The following FAT3 variants were observed in gnomAD, a reference collection of about 807,000 sequenced individuals.
FAT3 encodes the protein protocadherin Fat 3.
Under a neutral mutation model 310.2 loss-of-function variants are expected in FAT3, and 95 were observed. That is an observed-to-expected ratio of 0.31 (90% CI 0.26 to 0.36). The LOEUF (loss-of-function observed/expected upper bound fraction) is 0.36. Ranked by LOEUF, FAT3 falls within the 10% of genes least tolerant of loss-of-function variation. FAT3 has a pLI of 1.00. For missense variants in FAT3, 5,408 were observed against 5,715.6 expected, an observed-to-expected ratio of 0.95 and a Z score of 1.74; for synonymous variants, 2,314 against 2,192.9, an observed-to-expected ratio of 1.06 and a Z score of -1.54.
intron 1 of FAT3, among the ~76,000 whole-genome samples, chr11:92,350,734 A>G (rs933062797): frequency 2.0e-5 from 3 of 150,428 alleles, no homozygotes; most frequent in African/African-American, 7.5e-5. Context: ...AGTACCTATT[A>G]CTTAGGATTA....
At chr11:92,729,171 C>G (rs1358499279) in intron 4 of FAT3, among the ~76,000 whole-genome samples, 1 of 152,126 alleles carries the variant, frequency 6.6e-6, no homozygotes, top group East Asian at 1.9e-4. Context: ...TACTGGTGCA[C>G]TTGATCATCC....
chr11:92,773,762 T>C (rs551637797), intron 6 of FAT3, among the ~76,000 whole-genome samples: 6 of 152,224 alleles, frequency 3.9e-5, no homozygotes, highest in Non-Finnish European at 7.3e-5. Context: ...AAATATTTAA[T>C]GGAGTCAGTT....
intron 2 of FAT3, among the ~76,000 whole-genome samples, chr11:92,404,713 AT>A (rs997373113): frequency 1.3e-5 from 2 of 151,984 alleles, no homozygotes; most frequent in Admixed American, 1.3e-4. Flanking sequence ...GTTTGTGAGG[AT>A]GCTTCTGAAT....
intron 2 of FAT3, among the ~76,000 whole-genome samples, chr11:92,414,216 A>G (rs1447429395): frequency 6.6e-6 from 1 of 152,184 alleles, no homozygotes. Context: ...TCACATGTCT[A>G]AAAACAAGCT....
At chr11:92,448,388 A>G (rs1195753179) in intron 2 of FAT3, among the ~76,000 whole-genome samples, 1 of 152,106 alleles carries the variant, frequency 6.6e-6, no homozygotes, top group Admixed American at 6.6e-5. Context: ...GTGCAGACAA[A>G]TGTATGGCAT....
intron 1 of FAT3, among the ~76,000 whole-genome samples, chr11:92,321,141 T>C (rs902203820): frequency 3.9e-5 from 6 of 152,012 alleles, no homozygotes; most frequent in African/African-American, 1.4e-4. Context: ...ATCTTATTTA[T>C]ATAACTAATT....
rs1188907686 is a variant in FAT3, at chr11:92,354,337, G to A, written c.2225G>A (p.Gly742Asp). The A allele has an allele frequency of 2.5e-6, 4 of 1,613,860 alleles. No homozygotes were observed. Among genetic ancestry groups the A allele is most frequent in the Non-Finnish European group, 2.5e-6 (3 of 1,179,858 alleles). The part of the protein sequence containing the change: ...DVAVKEDLPV[G>D]ANILKIKAYD... Reference sequence around the variant, plus strand: ...GCTGTAAAGGAGGATCTGCCAGTTGGTGCTAACATTCTGAAGATTAAAGCC... The same window carrying A: ...GCTGTAAAGGAGGATCTGCCAGTTGATGCTAACATTCTGAAGATTAAAGCC... Residue 742 changes from glycine (G) to aspartate (D), a missense_variant, in exon 2 of 28, where the codon GGT becomes GAT. Transcript: ENST00000525166.
chr11:92,250,028 A>C (rs1173211223), intron 1 of FAT3, among the ~76,000 whole-genome samples: 1 of 151,952 alleles, frequency 6.6e-6, no homozygotes, highest in Admixed American at 6.6e-5. Flanking sequence ...TCACTCTTAA[A>C]ATTTTCTGGT....
chr11:92,833,884 T>C (rs1446346833), intron 14 of FAT3, among the ~76,000 whole-genome samples: 2 of 152,182 alleles, frequency 1.3e-5, no homozygotes, highest in East Asian at 1.9e-4. Flanking sequence ...CTAGGGGTGG[T>C]AAGTTCCAGA....
At chr11:92,314,357 T>TA (rs1472826953) in intron 1 of FAT3, 15 of 873,886 alleles carry the variant, frequency 1.7e-5, no homozygotes, top group Non-Finnish European at 2.1e-5. Flanking sequence ...TTTACATTTG[T>TA]AAAAAAACAT....
At chr11:92,278,153 G>A (rs887594507) in intron 1 of FAT3, among the ~76,000 whole-genome samples, 2 of 152,142 alleles carry the variant, frequency 1.3e-5, no homozygotes, top group Non-Finnish European at 2.9e-5. Context: ...AAGAGGGCTT[G>A]ACCTTTCTGA....
intron 4 of FAT3, among the ~76,000 whole-genome samples, chr11:92,708,771 A>G (rs1371256651): frequency 1.3e-5 from 2 of 152,374 alleles, no homozygotes; most frequent in East Asian, 3.9e-4. Flanking sequence ...ACTCAAAAAT[A>G]TATTAATTTT....
chr11:92,659,396 C>T (rs1474457489), intron 3 of FAT3, among the ~76,000 whole-genome samples: 1 of 152,204 alleles, frequency 6.6e-6, no homozygotes, highest in African/African-American at 2.4e-5. Flanking sequence ...AATGAAGGTG[C>T]AGTCGTTAGC....
chr11:92,362,218 G>A (rs10501781), intron 2 of FAT3, among the ~76,000 whole-genome samples: 11,702 of 152,204 alleles, frequency 0.077, 653 homozygotes, highest in African/African-American at 0.15. Context: ...AGACTTAGGA[G>A]ACCTAATGTA....
intron 21 of FAT3, 76 bp from the exon 22 acceptor site, chr11:92,866,665 C>A: frequency 7.5e-7 from 1 of 1,339,312 alleles, no homozygotes; most frequent in Non-Finnish European, 1.0e-6. Flanking sequence ...GCCCCCGGGC[C>A]GGCCAGGAGC....
intron 4 of FAT3, among the ~76,000 whole-genome samples, chr11:92,716,012 G>C (rs1944671998): frequency 6.6e-6 from 1 of 152,148 alleles, no homozygotes; most frequent in Admixed American, 6.5e-5. Context: ...TTTTGAGCAG[G>C]ATGGTGGCAT....
At chr11:92,396,061 T>C (rs535293821) in intron 2 of FAT3, among the ~76,000 whole-genome samples, 3 of 152,274 alleles carry the variant, frequency 2.0e-5, no homozygotes, top group Admixed American at 2.0e-4. Flanking sequence ...ATCCAGTCAG[T>C]CATGGGCACA....
At chr11:92,464,172 AG>A (rs1951705428) in intron 2 of FAT3, among the ~76,000 whole-genome samples, 1 of 152,186 alleles carries the variant, frequency 6.6e-6, no homozygotes. Flanking sequence ...AAAATCACCT[AG>A]TCCAAACTGG....
chr11:92,648,703 G>A (rs980433821), intron 3 of FAT3, among the ~76,000 whole-genome samples: 6 of 152,138 alleles, frequency 3.9e-5, no homozygotes, highest in African/African-American at 1.4e-4. Flanking sequence ...TTTGCTTCCT[G>A]GAGGATCTGA....
Sources: gnomAD v4.1 joint callset for allele counts (sites outside exome capture counted in the v4.1 genomes callset) on GRCh38, gnomAD v4.1.1 for gene constraint, MANE v1.5 for transcripts, NCBI Gene and HGNC (gene_info 2026-07-23, HGNC 2026-07-21) for gene names.